Variants in AOAH observed in about 807,000 individuals in gnomAD.
The protein encoded by AOAH is acyloxyacyl hydrolase.
A neutral mutation model predicts 92.2 loss-of-function variants in AOAH; 64 were observed. The ratio of observed to expected loss-of-function variants is 0.69; its 90% CI spans 0.57 to 0.86. The LOEUF is 0.86. Among genes scored for constraint, AOAH ranks in the 40% least tolerant of loss-of-function variants. AOAH has a pLI of 0.00. For missense variants in AOAH, 656 were observed against 694.6 expected (o/e 0.94, Z 0.62); for synonymous variants, 263 against 254.5 (o/e 1.03, Z -0.32).
chr7:36,722,494 T>C (rs1037328792), intron 1 of AOAH, among the ~76,000 whole-genome samples: 9 of 152,136 alleles, frequency 5.9e-5, no homozygotes, highest in African/African-American at 2.2e-4. Context: ...GGGTTTTGTT[T>C]TGAGAAAAAT....
At chr7:36,586,217 C>T (rs1222707168) in intron 12 of AOAH, among the ~76,000 whole-genome samples, 3 of 152,166 alleles carry the variant, frequency 2.0e-5, no homozygotes, top group Admixed American at 2.0e-4. Flanking sequence ...TATTCCCTTG[C>T]TGCTATTGCC....
intron 1 of AOAH, among the ~76,000 whole-genome samples, chr7:36,716,970 TAATAAATAAATAAATAAATAAATA>T (rs200867596): frequency 6.3e-5 from 9 of 142,812 alleles, no homozygotes; most frequent in African/African-American, 2.1e-4. Context: ...ACTTAAAGTA[TAATAAATAAATAAATAAATAAATA>T]AATAAATAAA....
intron 4 of AOAH, among the ~76,000 whole-genome samples, chr7:36,656,852 A>T (rs1268158636): frequency 1.1e-5 from 1 of 90,528 alleles, no homozygotes; most frequent in African/African-American, 4.5e-5. Context: ...GCTTGGGGGA[A>T]GGGGAGGGGT....
chr7:36,564,257 C>T (rs1787514951), intron 13 of AOAH, among the ~76,000 whole-genome samples: 1 of 152,210 alleles, frequency 6.6e-6, no homozygotes, highest in African/African-American at 2.4e-5. Flanking sequence ...CTTCTACAGA[C>T]AGAGTTAAGT....
At chr7:36,707,226 T>C (rs1203836898) in intron 1 of AOAH, among the ~76,000 whole-genome samples, 1 of 152,048 alleles carries the variant, frequency 6.6e-6, no homozygotes, top group Non-Finnish European at 1.5e-5. Context: ...GTTAATATTG[T>C]TTTGTCTCAG....
chr7:36,631,691 C>T (rs762574683), intron 6 of AOAH, among the ~76,000 whole-genome samples: 1 of 152,166 alleles, frequency 6.6e-6, no homozygotes, highest in African/African-American at 2.4e-5. Flanking sequence ...GTTGCCCACC[C>T]TGGTCCATAG....
chr7:36,655,474 G>A (rs1794826974), intron 4 of AOAH, among the ~76,000 whole-genome samples: 2 of 152,146 alleles, frequency 1.3e-5, no homozygotes, highest in Non-Finnish European at 2.9e-5. Context: ...GGTTGGGGAT[G>A]GCTCAAGGCA....
chr7:36,633,749 T>C (rs952386499), intron 5 of AOAH, among the ~76,000 whole-genome samples: 3 of 152,256 alleles, frequency 2.0e-5, no homozygotes, highest in Middle Eastern at 6.8e-3. Context: ...AAGATGTCTC[T>C]AGGCGTGGGA....
chr7:36,656,643 A>G (rs944059459), intron 4 of AOAH, among the ~76,000 whole-genome samples: 3 of 152,062 alleles, frequency 2.0e-5, no homozygotes, highest in African/African-American at 7.2e-5. Context: ...ACTCTGCCAC[A>G]TATCACCTTG....
At chr7:36,579,069 C>G (rs918610256) in intron 12 of AOAH, among the ~76,000 whole-genome samples, 10 of 152,166 alleles carry the variant, frequency 6.6e-5, no homozygotes, top group Non-Finnish European at 1.2e-4. Context: ...CACTCCCTAT[C>G]CTGAGGACAG....
At chr7:36,623,485 G>A (rs937819231) in intron 6 of AOAH, among the ~76,000 whole-genome samples, 16 of 152,184 alleles carry the variant, frequency 1.1e-4, no homozygotes, top group African/African-American at 3.6e-4. Context: ...TGGCCTGTAT[G>A]AGGAAGTGAA....
intron 1 of AOAH, among the ~76,000 whole-genome samples, chr7:36,712,480 AC>A (rs1206772321): frequency 6.6e-6 from 1 of 152,168 alleles, no homozygotes; most frequent in Non-Finnish European, 1.5e-5. Flanking sequence ...CCCCTAAATC[AC>A]CCATGTAAAG....
intron 13 of AOAH, among the ~76,000 whole-genome samples, chr7:36,557,328 C>T (rs1022406170): frequency 2.0e-5 from 3 of 152,232 alleles, no homozygotes; most frequent in African/African-American, 7.2e-5. Context: ...TCTCCTCTGG[C>T]TTGTAGAGTT....
intron 13 of AOAH, among the ~76,000 whole-genome samples, chr7:36,552,117 G>C (rs1396388678): frequency 6.6e-6 from 1 of 152,104 alleles, no homozygotes; most frequent in African/African-American, 2.4e-5. Context: ...TGCCATGGTG[G>C]TTTGCTGCAC....
At chr7:36,687,554 A>G (rs1291212857) in intron 1 of AOAH, among the ~76,000 whole-genome samples, 1 of 151,666 alleles carries the variant, frequency 6.6e-6, no homozygotes. Flanking sequence ...TTTTTTTCCA[A>G]AGAAAAGGGA....
chr7:36,592,246 G>A (rs1789796454), intron 12 of AOAH, among the ~76,000 whole-genome samples: 2 of 152,092 alleles, frequency 1.3e-5, no homozygotes, highest in Admixed American at 1.3e-4. Context: ...GTTGAAATTG[G>A]GGGGATGACC....
intron 1 of AOAH, among the ~76,000 whole-genome samples, chr7:36,714,738 C>T (rs1014302555): frequency 2.0e-5 from 3 of 152,198 alleles, no homozygotes; most frequent in African/African-American, 2.4e-5. Flanking sequence ...ACATGATTAT[C>T]TCAATAGATG....
intron 1 of AOAH, among the ~76,000 whole-genome samples, chr7:36,704,123 C>G (rs1243113802): frequency 1.3e-5 from 2 of 151,396 alleles, no homozygotes; most frequent in Non-Finnish European, 2.9e-5. Context: ...GTTTTTTTTT[C>G]ATGTTTGTTG....
chr7:36,715,648 C>T (rs1399710218), intron 1 of AOAH, among the ~76,000 whole-genome samples: 6 of 145,412 alleles, frequency 4.1e-5, no homozygotes, highest in Non-Finnish European at 7.5e-5. Flanking sequence ...CGGAACGGAA[C>T]AGAGCCCTCA....
Sources: allele counts gnomAD v4.1 joint callset (sites outside exome capture counted in the v4.1 genomes callset), GRCh38; gene constraint gnomAD v4.1.1; transcripts MANE v1.5; gene names NCBI Gene and HGNC (gene_info 2026-07-23, HGNC 2026-07-21).